The following ATP11B variants were observed in gnomAD, a reference collection of about 807,000 sequenced individuals.
ATP11B encodes phospholipid-transporting ATPase IF.
In ATP11B, 81 loss-of-function variants were observed where a neutral mutation model predicts 157.8. The observed-to-expected ratio is 0.51, with a 90% CI of 0.43 to 0.62. ATP11B has a LOEUF of 0.62. ATP11B is among the 20% of genes least tolerant of loss of function. The pLI, the probability that ATP11B is intolerant of heterozygous loss-of-function variation, is 0.00. For missense variants in ATP11B, 1,165 were observed against 1,402.2 expected (o/e 0.83, Z 2.70); for synonymous variants, 451 against 469.4 (o/e 0.96, Z 0.51).
At chr3:182,829,450 G>T (rs779703820) in intron 3 of ATP11B, among the ~76,000 whole-genome samples, 59 of 152,128 alleles carry the variant, frequency 3.9e-4, no homozygotes, top group Non-Finnish European at 6.9e-4. Context: ...GAATATTGAA[G>T]AACTTTGTGT....
chr3:182,842,423 T>C (rs906842288), intron 8 of ATP11B, among the ~76,000 whole-genome samples: 6 of 152,192 alleles, frequency 3.9e-5, no homozygotes, highest in Admixed American at 6.5e-5. Flanking sequence ...GAAGAGATGC[T>C]CAGGGCCAGA....
intron 19 of ATP11B, among the ~76,000 whole-genome samples, chr3:182,875,504 C>T (rs905384957): frequency 3.9e-5 from 6 of 152,114 alleles, no homozygotes; most frequent in African/African-American, 1.2e-4. Context: ...AGTGCAATGA[C>T]GCACTCGGTT....
chr3:182,873,713 C>A, intron 18 of ATP11B, 99 bp from the exon 19 acceptor site: 1 of 1,005,502 alleles, frequency 9.9e-7, no homozygotes, highest in Non-Finnish European at 1.5e-6. Flanking sequence ...TAGGTCAAGT[C>A]AAAGAGTTTA....
At chr3:182,846,618 T>C (rs1719554138) in intron 9 of ATP11B, among the ~76,000 whole-genome samples, 1 of 152,210 alleles carries the variant, frequency 6.6e-6, no homozygotes, top group African/African-American at 2.4e-5. Flanking sequence ...GGTATATCCA[T>C]ATAATGGAAT....
chr3:182,882,865 G>A, intron 21 of ATP11B, among the ~76,000 whole-genome samples: 1 of 152,088 alleles, frequency 6.6e-6, no homozygotes, highest in Non-Finnish European at 1.5e-5. Context: ...AAATAATATG[G>A]AAGGATGTGA....
rs1388924622 is a variant in ATP11B at position 182,859,222 on chromosome 3, A to G, written c.1063A>G (p.Ile355Val). ...GGTTCTCTACAATTTCATCATTCCAATTTCATTATATGTGACAGTCGAAAT... is the reference window on the plus strand; with the variant it reads ...GGTTCTCTACAATTTCATCATTCCAGTTTCATTATATGTGACAGTCGAAAT... ...FLVLYNFIIPISLYVTVEMQK... is the reference protein window; with the variant it reads ...FLVLYNFIIPVSLYVTVEMQK... The change falls in exon 12 of 30, where the codon ATT (isoleucine) becomes GTT (valine). Residue 355 changes from isoleucine (I) to valine (V), a missense_variant. Ile to Val is a conservative substitution (Grantham distance 29). Transcript: ENST00000323116. The G allele has an allele frequency of 1.2e-6, 2 of 1,612,494 alleles. No individual in the cohort carries two copies. Among genetic ancestry groups the G allele is most frequent in the Admixed American group, 1.7e-5 (1 of 59,918 alleles).
rs1439313696 is a variant in ATP11B, at chr3:182,836,353, T to C, written c.435T>C (p.Ile145=). 1 of 1,613,792 alleles carries C rather than the reference T, an allele frequency of 6.2e-7. No homozygotes were observed. The highest frequency in any genetic ancestry group is 1.1e-5 in the South Asian group (1 of 91,060). ...AAAATTCTTTATAGGTGGGTGATAT[T>C]GTTCGAATAGCCAAAGATGAAATTT... The part of the protein sequence containing the change: ...TRSKNIRVGD[I]VRIAKDEIFP... Residue 145 remains isoleucine (I), a synonymous_variant, in exon 6 of 30, where the codon ATT becomes ATC. Coordinates refer to ENST00000323116, the MANE Select transcript of ATP11B (RefSeq NM_014616.3).
Position 182,920,944 on chromosome 3 carries a change from C to G in ATP11B, c.*2840C>G, listed in dbSNP as rs1725444200. 1 of 152,264 alleles carries G rather than the reference C, an allele frequency of 6.6e-6. No individual in the cohort carries two copies. The highest frequency in any genetic ancestry group is 1.5e-5 in the Non-Finnish European group (1 of 68,086). 9.4% of individuals were successfully genotyped at this position (152,264 alleles called of 1,614,324 possible). A position where few individuals can be genotyped will look rare whatever the true frequency, so the allele number is the denominator to read the frequency against. ...AACAGGAGACTAAACAGAGGCAAAT[C>G]AACCCTAGGAAATACTTGCATTCTG... On this transcript the variant is annotated 3_prime_UTR_variant, in exon 30 of 30. Transcript: ENST00000323116.
At chr3:182,900,048 T>A (rs902126567) in intron 28 of ATP11B, among the ~76,000 whole-genome samples, 2 of 152,226 alleles carry the variant, frequency 1.3e-5, no homozygotes, top group Non-Finnish European at 2.9e-5. Flanking sequence ...ATAGAAAAAC[T>A]ACTTCCTAAA....
At chr3:182,877,354 C>T (rs1722117585) in intron 19 of ATP11B, among the ~76,000 whole-genome samples, 1 of 152,132 alleles carries the variant, frequency 6.6e-6, no homozygotes, top group South Asian at 2.1e-4. Context: ...CACAGTGGCT[C>T]ATAATCCTGA....
In ATP11B at chr3:182,919,009, A is replaced by G. The variant is rs1228248069; in HGVS notation, c.*905A>G. ...CTGAAGGCTCTGTGTATAGTATTTC[A>G]TGACATCGTTGTACAGTTTAACTAT... is the stretch of plus-strand genomic sequence containing the variant. On this transcript the variant is annotated 3_prime_UTR_variant, in exon 30 of 30. Coordinates refer to ENST00000323116, the MANE Select transcript of ATP11B (RefSeq NM_014616.3). The G allele has an allele frequency of 1.3e-5, 2 of 152,052 alleles. No individual in the cohort carries two copies. Among genetic ancestry groups the G allele is most frequent in the Non-Finnish European group, 2.9e-5 (2 of 67,974 alleles). The allele number at this position is 152,052 out of a possible 1,614,324, so 9.4% of individuals were successfully genotyped here.
chr3:182,910,438 A>T (rs1724699905), intron 28 of ATP11B, among the ~76,000 whole-genome samples: 1 of 151,916 alleles, frequency 6.6e-6, no homozygotes, highest in African/African-American at 2.4e-5. Context: ...GCCTGACATG[A>T]TGACGCACAC....
At position 182,854,305 on chromosome 3, in the gene ATP11B, A is replaced by T. The variant is rs576242746; in HGVS notation, c.852-3573A>T. ...ACCAACATGGAGAAACCCTGTCTCT[A>T]CTAAAAATACAAAAATTAGCCGGGC... On this transcript the variant is annotated intron_variant, in intron 10 of 29. Transcript: ENST00000323116. Among the ~76,000 whole-genome samples the T allele has an allele frequency of 3.2e-3, 487 of 152,220 alleles. 4 individuals are homozygous for T. Among genetic ancestry groups the T allele is most frequent in the African/African-American group, 0.011 (469 of 41,538 alleles).
In ATP11B at chr3:182,793,744, C is replaced by A; in HGVS notation, c.-16C>A. 7.1e-7 allele frequency: 1 copy of A among 1,408,380 alleles called. No individual in the cohort carries two copies. Among genetic ancestry groups the A allele is most frequent in the Non-Finnish European group, 9.3e-7 (1 of 1,075,370 alleles). The allele number at this position is 1,408,380 out of a possible 1,614,324, so 87.2% of individuals were successfully genotyped here. ...GCCCCCGCGCCCCGCGGGACCCGGA[C>A]GGCGACGACGGGGGAATGTGGCGCT... On this transcript the variant is annotated 5_prime_UTR_variant, in exon 1 of 30. Transcript: ENST00000323116.
intron 1 of ATP11B, among the ~76,000 whole-genome samples, chr3:182,800,501 T>G (rs989470485): frequency 1.5e-4 from 23 of 152,308 alleles, no homozygotes; most frequent in Admixed American, 6.5e-4. Flanking sequence ...GTGCTGAGAT[T>G]ACAGGTGTGA....
At chr3:182,900,084 C>G (rs1166372125) in intron 28 of ATP11B, among the ~76,000 whole-genome samples, 2 of 152,180 alleles carry the variant, frequency 1.3e-5, no homozygotes, top group African/African-American at 4.8e-5. Context: ...GTTAGGCTTC[C>G]TGACCAGTGC....
At position 182,858,042 on chromosome 3, in the gene ATP11B, T is replaced by A. The variant is rs1720550468; in HGVS notation, c.1002+14T>A. On this transcript the variant is annotated intron_variant, in intron 11 of 29. Coordinates refer to ENST00000323116, the MANE Select transcript of ATP11B (RefSeq NM_014616.3). ...AATAGCAGTAAGGTATTTTATGGTG[T>A]TATTGACTGTGTCATAAAGGAAACT... The A allele has an allele frequency of 2.5e-6, 4 of 1,598,614 alleles. No homozygotes were observed. The highest frequency in any genetic ancestry group is 2.6e-6 in the Non-Finnish European group (3 of 1,168,418).
chr3:182,833,316 C>A (rs1418897357), intron 4 of ATP11B, among the ~76,000 whole-genome samples: 1 of 151,970 alleles, frequency 6.6e-6, no homozygotes, highest in African/African-American at 2.4e-5. Flanking sequence ...TTCTGTGTAA[C>A]AAAGGGCCTA....
intron 28 of ATP11B, among the ~76,000 whole-genome samples, chr3:182,904,180 G>A (rs1273441979): frequency 6.6e-6 from 1 of 152,196 alleles, no homozygotes; most frequent in African/African-American, 2.4e-5. Flanking sequence ...GCTACTCCCA[G>A]TGGGTCCTAA....
Sources: gnomAD v4.1 joint callset for allele counts (sites outside exome capture counted in the v4.1 genomes callset) on GRCh38, gnomAD v4.1.1 for gene constraint, MANE v1.5 for transcripts, NCBI Gene and HGNC (gene_info 2026-07-23, HGNC 2026-07-21) for gene names.